PARP15: variants seen among roughly 807,000 people sequenced by gnomAD.
The protein encoded by PARP15 is protein mono-ADP-ribosyltransferase PARP15.
PARP15 carries 50 observed loss-of-function variants against 62.1 expected under a neutral mutation model. That is an observed-to-expected ratio of 0.81 (90% CI 0.64 to 1.02). The LOEUF (loss-of-function observed/expected upper bound fraction) is 1.02, where lower values mean the gene tolerates loss of function less well. Among genes scored for constraint, PARP15 ranks in the 50% least tolerant of loss-of-function variants. The pLI is 0.00. For synonymous variants in PARP15, 309 were observed against 293.1 expected, an observed-to-expected ratio of 1.05 and a Z score of -0.55; for missense variants, 820 against 826.5, an observed-to-expected ratio of 0.99 and a Z score of 0.10.
Position 122,580,036 on chromosome 3 carries a change from TGC to T in PARP15, c.186+2184_186+2185del, listed in dbSNP as rs1559915624. Among the ~76,000 whole-genome samples the T allele has an allele frequency of 3.5e-3, 483 of 138,708 alleles. 9 individuals carry two copies. The highest frequency in any genetic ancestry group is 0.012 in the African/African-American group (448 of 37,828). The allele number at this position is 138,708 out of a possible 152,430, so 91.0% of individuals were successfully genotyped here. ...ATATATATATATATATATATATATA[TGC>T]ACGCGCGCACACACACACACAGAGA... On this transcript the variant is annotated intron_variant, in intron 1 of 11. Transcript: ENST00000464300.
chr3:122,600,657 A>G (rs1359304425), intron 1 of PARP15, among the ~76,000 whole-genome samples: 3 of 152,160 alleles, frequency 2.0e-5, no homozygotes, highest in African/African-American at 4.8e-5. Context: ...TCCCTTTGCA[A>G]CATTTGGCAC....
chr3:122,619,987 A>T (rs1169700771), intron 7 of PARP15, 144 bp downstream of exon 7: 1 of 723,476 alleles, frequency 1.4e-6, no homozygotes, highest in African/African-American at 1.7e-5. Context: ...GAGCAGGCAG[A>T]GGTGGTGGAA....
chr3:122,610,905 G>A (rs544146592), intron 3 of PARP15, among the ~76,000 whole-genome samples, 175 bp downstream of exon 3: 2 of 152,292 alleles, frequency 1.3e-5, no homozygotes, highest in South Asian at 2.1e-4. Context: ...AATATTCTAT[G>A]ATGCACACAC....
At chr3:122,595,593 AG>A (rs1934272593) in intron 1 of PARP15, among the ~76,000 whole-genome samples, 2 of 152,168 alleles carry the variant, frequency 1.3e-5, no homozygotes, top group African/African-American at 4.8e-5. Flanking sequence ...TCTGCTGCCC[AG>A]GCTAGAGGGC....
intron 1 of PARP15, among the ~76,000 whole-genome samples, chr3:122,588,540 C>G (rs1419726274): frequency 6.6e-6 from 1 of 152,122 alleles, no homozygotes; most frequent in Admixed American, 6.5e-5. Flanking sequence ...TACCTATAAT[C>G]CCTGCTACTT....
chr3:122,604,574 G>T (rs1228445735), intron 1 of PARP15, among the ~76,000 whole-genome samples: 2 of 152,056 alleles, frequency 1.3e-5, no homozygotes, highest in Non-Finnish European at 2.9e-5. Context: ...AGAAAGTAGG[G>T]CCGGGTGTGG....
At chr3:122,598,047 AT>A (rs1395490288) in intron 1 of PARP15, among the ~76,000 whole-genome samples, 1 of 152,024 alleles carries the variant, frequency 6.6e-6, no homozygotes, top group East Asian at 1.9e-4. Context: ...GAACCCATGG[AT>A]ATATATTTAC....
chr3:122,628,596 G>A (rs532994671), intron 9 of PARP15, among the ~76,000 whole-genome samples: 54 of 152,164 alleles, frequency 3.5e-4, no homozygotes, highest in African/African-American at 1.2e-3. Context: ...TGCTTTCATC[G>A]AGATTTTAAA....
chr3:122,634,295 C>T (rs751322399), intron 10 of PARP15, among the ~76,000 whole-genome samples: 19 of 152,082 alleles, frequency 1.2e-4, no homozygotes, highest in Non-Finnish European at 2.5e-4. Context: ...GATTAGTTTT[C>T]TTGTCTTGCC....
At chr3:122,600,195 C>T (rs1362950647) in intron 1 of PARP15, among the ~76,000 whole-genome samples, 1 of 152,184 alleles carries the variant, frequency 6.6e-6, no homozygotes, top group South Asian at 2.1e-4. Flanking sequence ...TAAAATAAAA[C>T]TATTTTTACT....
At chr3:122,594,042 G>T (rs891082327) in intron 1 of PARP15, among the ~76,000 whole-genome samples, 1 of 152,120 alleles carries the variant, frequency 6.6e-6, no homozygotes, top group African/African-American at 2.4e-5. Flanking sequence ...ATGAAATTGG[G>T]GGTTAGAGAG....
Position 122,610,728 on chromosome 3 carries a change from C to A in PARP15, c.541C>A (p.Gln181Lys). ...GAATAATGGAGCAGAGACTTCTTGG[C>A]AGGTAGGGAACGCTCTTAGTTCTCC... ...YWNNGAETSW[Q>K]IMANIIKKCL... The change falls in exon 3 of 12, where the codon CAG becomes AAG. Residue 181 changes from glutamine to lysine, a missense_variant and splice_region_variant. Around this residue, in one of 3 missense-constraint regions of PARP15, gnomAD observed 731 missense variants for 727.7 expected, o/e 1.00. Transcript: ENST00000464300. The A allele has an allele frequency of 6.6e-7, 1 of 1,510,408 alleles. No homozygotes were observed. The allele number at this position is 1,510,408 out of a possible 1,614,324, so 93.6% of individuals were successfully genotyped here.
intron 1 of PARP15, among the ~76,000 whole-genome samples, chr3:122,581,679 C>A (rs997544552): frequency 6.6e-6 from 1 of 152,148 alleles, no homozygotes; most frequent in Non-Finnish European, 1.5e-5. Context: ...ATATTTTCTC[C>A]TGTTCTGTAG....
chr3:122,579,717 G>A (rs1366740707), intron 1 of PARP15, among the ~76,000 whole-genome samples: 4 of 151,824 alleles, frequency 2.6e-5, no homozygotes, highest in African/African-American at 2.4e-5. Context: ...GGTGGCTCAC[G>A]CCTGTAATCC....
chr3:122,631,289 A>G (rs1937048646), intron 9 of PARP15, among the ~76,000 whole-genome samples: 1 of 152,236 alleles, frequency 6.6e-6, no homozygotes, highest in African/African-American at 2.4e-5. Flanking sequence ...TTAGGGTTAG[A>G]TGCCTCCCTG....
At chr3:122,579,867 T>C (rs978154640) in intron 1 of PARP15, among the ~76,000 whole-genome samples, 4 of 151,178 alleles carry the variant, frequency 2.6e-5, no homozygotes, top group Non-Finnish European at 5.9e-5. Flanking sequence ...TAGTCCCAGC[T>C]ACTCAAGAGG....
chr3:122,611,363 G>A (rs1282277130), intron 3 of PARP15, among the ~76,000 whole-genome samples: 1 of 151,660 alleles, frequency 6.6e-6, no homozygotes, highest in Non-Finnish European at 1.5e-5. Context: ...ACCGAGTTTC[G>A]CTCTGTTGCC....
intron 8 of PARP15, among the ~76,000 whole-genome samples, chr3:122,625,028 A>T (rs569231134): frequency 6.6e-6 from 1 of 151,310 alleles, no homozygotes; most frequent in South Asian, 2.1e-4. Context: ...TTACTATTAC[A>T]TTTTTTTACC....
At chr3:122,610,836 C>A in intron 3 of PARP15, 106 bp downstream of exon 3, 1 of 942,538 alleles carries the variant, frequency 1.1e-6, no homozygotes, top group Non-Finnish European at 1.5e-6. Flanking sequence ...CCACAGAGGA[C>A]AGTTGGGTTG....
Sources: gnomAD v4.1 joint callset for allele counts (sites outside exome capture counted in the v4.1 genomes callset) on GRCh38, gnomAD v4.1.1 for gene constraint, gnomAD v4.1.1 regional missense constraint, MANE v1.5 for transcripts, NCBI Gene and HGNC (gene_info 2026-07-23, HGNC 2026-07-21) for gene names.